Variants in NALF1 observed in about 807,000 individuals in gnomAD.
NALF1 encodes family with sequence similarity 155 member A.
NALF1 carries 3 observed loss-of-function variants against 48.4 expected under a neutral mutation model. That is an observed-to-expected ratio of 0.06 (90% CI 0.03 to 0.16). NALF1 has a LOEUF of 0.16. NALF1 is among the 10% of genes least tolerant of loss of function. The probability of loss-of-function intolerance (pLI) is 1.00; values close to 1 mark genes in which losing one functional copy is unlikely to be tolerated. For missense variants in NALF1, 526 were observed against 571.5 expected (o/e 0.92, Z 0.81); for synonymous variants, 262 against 245.7 (o/e 1.07, Z -0.62).
At chr13:107,537,004 C>A (rs1267802093) in intron 1 of NALF1, among the ~76,000 whole-genome samples, 1 of 152,178 alleles carries the variant, frequency 6.6e-6, no homozygotes, top group African/African-American at 2.4e-5. Context: ...ACTGCATGTT[C>A]TCACTCATAG....
At chr13:107,486,025 C>T (rs1039124366) in intron 1 of NALF1, among the ~76,000 whole-genome samples, 1 of 152,212 alleles carries the variant, frequency 6.6e-6, no homozygotes, top group Admixed American at 6.5e-5. Context: ...TTTTTCCATA[C>T]ATTTGTGAAA....
intron 1 of NALF1, among the ~76,000 whole-genome samples, chr13:107,843,250 C>T (rs908318426): frequency 5.3e-5 from 8 of 152,126 alleles, no homozygotes; most frequent in Non-Finnish European, 7.4e-5. Flanking sequence ...GAGGTAGATG[C>T]TATTATTGTC....
intron 1 of NALF1, among the ~76,000 whole-genome samples, chr13:107,776,695 T>C (rs1877741049): frequency 6.6e-6 from 1 of 152,234 alleles, no homozygotes; most frequent in African/African-American, 2.4e-5. Context: ...GATTTTAGGA[T>C]GTACAAAAAT....
intron 1 of NALF1, among the ~76,000 whole-genome samples, chr13:107,747,699 T>C (rs141969292): frequency 1.3e-5 from 2 of 152,326 alleles, no homozygotes; most frequent in Admixed American, 6.5e-5. Flanking sequence ...TCCTCTTTTA[T>C]AGAAAATAAG....
chr13:107,617,885 C>T (rs1418634145), intron 1 of NALF1, among the ~76,000 whole-genome samples: 8 of 152,128 alleles, frequency 5.3e-5, no homozygotes, highest in African/African-American at 1.7e-4. Flanking sequence ...TTTGTGATCA[C>T]TTCCCCTTGA....
chr13:107,259,504 G>A (rs1880888020), intron 1 of NALF1, among the ~76,000 whole-genome samples: 1 of 152,194 alleles, frequency 6.6e-6, no homozygotes, highest in Non-Finnish European at 1.5e-5. Context: ...TGAGAGGCAT[G>A]AGGACATTGC....
At chr13:107,784,638 A>T (rs1014171375) in intron 1 of NALF1, among the ~76,000 whole-genome samples, 3 of 152,198 alleles carry the variant, frequency 2.0e-5, no homozygotes, top group African/African-American at 7.2e-5. Flanking sequence ...GCCAACAAAC[A>T]TATGAAAAAA....
intron 1 of NALF1, among the ~76,000 whole-genome samples, chr13:107,594,246 C>T (rs926702631): frequency 1.3e-5 from 2 of 152,044 alleles, no homozygotes; most frequent in Non-Finnish European, 2.9e-5. Context: ...CAAAATTTTA[C>T]TACATCAATT....
At chr13:107,740,986 A>AAC (rs1212429163) in intron 1 of NALF1, among the ~76,000 whole-genome samples, 4 of 152,236 alleles carry the variant, frequency 2.6e-5, no homozygotes, top group African/African-American at 9.6e-5. Context: ...CATGATGTTT[A>AAC]TTCATTCATG....
chr13:107,731,617 T>C (rs1206344582), intron 1 of NALF1, among the ~76,000 whole-genome samples: 2 of 152,166 alleles, frequency 1.3e-5, no homozygotes, highest in Non-Finnish European at 2.9e-5. Context: ...TGTGTTCTCA[T>C]CACTTATCTC....
At chr13:107,302,552 C>T (rs1057489125) in intron 1 of NALF1, among the ~76,000 whole-genome samples, 1 of 151,922 alleles carries the variant, frequency 6.6e-6, no homozygotes, top group Admixed American at 6.5e-5. Context: ...AATTACAACA[C>T]TGGGGCTCCA....
At chr13:107,230,637 A>G (rs9301200) in intron 1 of NALF1, among the ~76,000 whole-genome samples, 58,018 of 151,978 alleles carry the variant, frequency 0.38, 11,460 homozygotes, top group Middle Eastern at 0.48. Context: ...TGAGAAATAC[A>G]AAGAAGATGT....
intron 1 of NALF1, among the ~76,000 whole-genome samples, chr13:107,618,191 C>T (rs1356032200): frequency 1.3e-5 from 2 of 151,822 alleles, no homozygotes; most frequent in African/African-American, 4.8e-5. Flanking sequence ...AAAGAGATTT[C>T]AGCTGAGATA....
rs534335069 is a variant in NALF1 at position 107,212,572 on chromosome 13, A to C, written c.916-1817T>G. Among the ~76,000 whole-genome samples, 42 of 152,344 alleles carry C rather than the reference A, an allele frequency of 2.8e-4. 1 individual carries two copies. Among genetic ancestry groups the C allele is most frequent in the African/African-American group, 9.9e-4 (41 of 41,588 alleles). ...CCGGCAGCAAGAGGCTGGAAGCACC[A>C]GCTTCAGAAGAAAAAGTGAAATGAT... is the stretch of plus-strand genomic sequence containing the variant. On this transcript the variant is annotated intron_variant, in intron 1 of 2. Coordinates refer to ENST00000375915, the MANE Select transcript of NALF1 (RefSeq NM_001080396.3).
intron 1 of NALF1, among the ~76,000 whole-genome samples, chr13:107,343,280 T>A (rs1036591502): frequency 6.6e-6 from 1 of 152,074 alleles, no homozygotes; most frequent in Admixed American, 6.5e-5. Flanking sequence ...CACAACTGAG[T>A]TAATAAAGAA....
At chr13:107,256,738 C>T (rs775924427) in intron 1 of NALF1, among the ~76,000 whole-genome samples, 12 of 152,100 alleles carry the variant, frequency 7.9e-5, no homozygotes, top group South Asian at 2.1e-4. Context: ...GTTGCAACTA[C>T]GGTTTGACTA....
At chr13:107,468,047 C>CAAAAA (rs1287757353) in intron 1 of NALF1, among the ~76,000 whole-genome samples, 73 of 75,620 alleles carry the variant, frequency 9.7e-4, no homozygotes, top group African/African-American at 3.0e-3. Context: ...GACTCCGTCT[C>CAAAAA]AAAAAAAAAA....
At chr13:107,298,351 CAAA>C (rs1192707023) in intron 1 of NALF1, among the ~76,000 whole-genome samples, 26 of 16,604 alleles carry the variant, frequency 1.6e-3, no homozygotes, top group African/African-American at 3.8e-3. Context: ...GACTCCATCT[CAAA>C]AAAAAAAAAA....
intron 1 of NALF1, among the ~76,000 whole-genome samples, chr13:107,577,025 T>C (rs868167658): frequency 1.3e-5 from 2 of 152,192 alleles, no homozygotes; most frequent in African/African-American, 2.4e-5. Flanking sequence ...TACTATTCTC[T>C]GACCTAAGTA....
Sources: allele counts gnomAD v4.1 joint callset (sites outside exome capture counted in the v4.1 genomes callset), GRCh38; gene constraint gnomAD v4.1.1; transcripts MANE v1.5; gene names NCBI Gene and HGNC (gene_info 2026-07-23, HGNC 2026-07-21).